The following CELF2 variants were observed in gnomAD, a reference collection of about 807,000 sequenced individuals.
The protein encoded by CELF2 is CUGBP Elav-like family member 2, also known as CUG triplet repeat RNA-binding protein 2.
Under a neutral mutation model 62.6 loss-of-function variants are expected in CELF2, and 8 were observed. The observed-to-expected ratio is 0.13, with a 90% CI of 0.07 to 0.23. The LOEUF (loss-of-function observed/expected upper bound fraction) is 0.23. Ranked by LOEUF, CELF2 falls within the 10% of genes least tolerant of loss-of-function variation. The probability of loss-of-function intolerance (pLI) is 1.00; values close to 1 mark genes in which losing one functional copy is unlikely to be tolerated. For missense variants in CELF2, 333 were observed against 671.0 expected, an observed-to-expected ratio of 0.50 and a Z score of 5.56; for synonymous variants, 258 against 250.0, an observed-to-expected ratio of 1.03 and a Z score of -0.30.
Position 11,011,096 on chromosome 10 carries a change from G to T in CELF2, c.53+5656G>T, listed in dbSNP as rs1440275396. 1 of 152,094 alleles carries T rather than the reference G, an allele frequency of 6.6e-6. No individual in the cohort carries two copies. Among genetic ancestry groups the T allele is most frequent in the South Asian group, 2.1e-4 (1 of 4,822 alleles). 9.4% of individuals were successfully genotyped at this position (152,094 alleles called of 1,614,324 possible). Reference sequence around the variant, plus strand: ...AGGTCTTTGAATTAAAGCATCCCATGCCTCACTTCTCTTGGGCTTGAATCT... The same window carrying T: ...AGGTCTTTGAATTAAAGCATCCCATTCCTCACTTCTCTTGGGCTTGAATCT... On this transcript the variant is annotated intron_variant, in intron 1 of 12. Coordinates refer to the CELF2 transcript ENST00000416382. This position sits in a 1 kb window ranked among gnomAD's most constrained non-coding sequence, Gnocchi z 4.6.
chr10:10,662,949 C>A, the CELF2 span, among the ~76,000 whole-genome samples: 1 of 152,196 alleles, frequency 6.6e-6, no homozygotes, highest in African/African-American at 2.4e-5. Context: ...GCTTCTTGGT[C>A]TGAACTCCAC....
At chr10:10,980,138 G>T (rs905851240) in intron 2 of CELF2, among the ~76,000 whole-genome samples, 2 of 152,196 alleles carry the variant, frequency 1.3e-5, no homozygotes, top group Admixed American at 1.3e-4. Flanking sequence ...AAGAAAAATT[G>T]CCAGAGCTTT....
intron 1 of CELF2, among the ~76,000 whole-genome samples, chr10:11,093,458 A>G (rs576034887): frequency 5.6e-4 from 85 of 152,298 alleles, no homozygotes; most frequent in African/African-American, 2.0e-3. Context: ...AGGGATGTGG[A>G]GAAGGATGGA....
chr10:10,636,252 A>G, the CELF2 span, among the ~76,000 whole-genome samples: 1 of 152,206 alleles, frequency 6.6e-6, no homozygotes, highest in African/African-American at 2.4e-5. Flanking sequence ...CTTTGTAACA[A>G]AGCTAATATT....
At chr10:10,700,184 T>C in the CELF2 span, among the ~76,000 whole-genome samples, 6 of 152,110 alleles carry the variant, frequency 3.9e-5, no homozygotes, top group Non-Finnish European at 7.3e-5. Flanking sequence ...AATCATTGCA[T>C]GGGAAGAGGT....
intron 1 of CELF2, among the ~76,000 whole-genome samples, chr10:10,892,260 G>A (rs1487866857): frequency 1.3e-5 from 2 of 152,102 alleles, no homozygotes; most frequent in Admixed American, 1.3e-4. Flanking sequence ...ATCAGGTTTA[G>A]GCAGGAAGCT....
At chr10:10,561,736 C>G in the CELF2 span, among the ~76,000 whole-genome samples, 2 of 152,150 alleles carry the variant, frequency 1.3e-5, no homozygotes, top group Admixed American at 1.3e-4. Flanking sequence ...TCAATCCTCC[C>G]TTTCCTTTGT....
chr10:10,634,074 T>C, the CELF2 span, among the ~76,000 whole-genome samples: 2 of 152,130 alleles, frequency 1.3e-5, no homozygotes, highest in Non-Finnish European at 2.9e-5. Context: ...CTTTTTACTT[T>C]ACTATATATG....
chr10:11,086,578 T>TA (rs1168932032), intron 1 of CELF2, among the ~76,000 whole-genome samples: 4,655 of 71,754 alleles, frequency 0.065, 467 homozygotes, highest in Non-Finnish European at 0.081. Context: ...TTGCATTTGT[T>TA]AAAAAAAAAA....
At chr10:11,158,035 T>C (rs2064904439) in intron 1 of CELF2, among the ~76,000 whole-genome samples, 1 of 152,232 alleles carries the variant, frequency 6.6e-6, no homozygotes, top group South Asian at 2.1e-4. Flanking sequence ...ATTCTTCATC[T>C]TGGGAAGCGC....
intron 8 of CELF2, among the ~76,000 whole-genome samples, chr10:11,276,896 C>G (rs559595340): frequency 2.0e-5 from 3 of 152,372 alleles, no homozygotes; most frequent in East Asian, 1.9e-4. Flanking sequence ...AGTCACCTTA[C>G]AAGGTGCCGA....
intron 1 of CELF2, among the ~76,000 whole-genome samples, chr10:10,848,810 G>T (rs1452429559): frequency 6.6e-6 from 1 of 152,116 alleles, no homozygotes; most frequent in Non-Finnish European, 1.5e-5. Context: ...ACGGAGATTA[G>T]ACCACAGGGT....
chr10:11,165,103 T>C lies in CELF2; in HGVS notation c.75-383T>C. ...AGCAGACATCTAGCTCTGCCTTTCT[T>C]TCCCAGCCACAGCCAGGGTAGGGCT... On this transcript the variant is annotated intron_variant, in intron 1 of 12. Coordinates refer to ENST00000633077, the MANE Select transcript of CELF2 (RefSeq NM_001326342.2). This position sits in a 1 kb window ranked among gnomAD's most constrained non-coding sequence, Gnocchi z 7.4. The C allele has an allele frequency of 1.0e-6, 1 of 1,003,198 alleles. No individual in the cohort carries two copies. The highest frequency in any genetic ancestry group is 1.2e-6 in the Non-Finnish European group (1 of 840,736). 62.1% of individuals were successfully genotyped at this position (1,003,198 alleles called of 1,614,324 possible). A position where few individuals can be genotyped will look rare whatever the true frequency, so the allele number is the denominator to read the frequency against.
the CELF2 span, among the ~76,000 whole-genome samples, chr10:10,589,733 A>G: frequency 6.6e-6 from 1 of 152,212 alleles, no homozygotes; most frequent in Non-Finnish European, 1.5e-5. Flanking sequence ...CACTGTTCAC[A>G]TGAGAAAGTC....
At chr10:10,641,207 T>G in the CELF2 span, among the ~76,000 whole-genome samples, 1 of 152,192 alleles carries the variant, frequency 6.6e-6, no homozygotes, top group African/African-American at 2.4e-5. Flanking sequence ...ATTCCGGTCA[T>G]GTACAGGCAA....
intron 1 of CELF2, among the ~76,000 whole-genome samples, chr10:11,122,769 AT>A (rs1302360077): frequency 2.0e-5 from 3 of 152,188 alleles, no homozygotes; most frequent in Non-Finnish European, 4.4e-5. Context: ...GCCAAGCTCA[AT>A]TTTTCTCATC....
chr10:11,323,512 GGT>G (rs2095562144), intron 11 of CELF2, among the ~76,000 whole-genome samples: 2 of 152,020 alleles, frequency 1.3e-5, no homozygotes, highest in African/African-American at 4.8e-5. Flanking sequence ...TGCGAGACCT[GGT>G]GTGTTTTTTC....
chr10:10,788,983 T>G, the CELF2 span: 1 of 152,290 alleles, frequency 6.6e-6, no homozygotes, highest in East Asian at 1.9e-4. Context: ...CCAGTTATTA[T>G]GCTGTCTTAC....
At chr10:11,141,959 G>T (rs2061420268) in intron 1 of CELF2, among the ~76,000 whole-genome samples, 2 of 152,204 alleles carry the variant, frequency 1.3e-5, no homozygotes, top group Non-Finnish European at 2.9e-5. Context: ...GTCATGTCCT[G>T]TAGCCCTCTT....
Sources: gnomAD v4.1 joint callset for allele counts (sites outside exome capture counted in the v4.1 genomes callset) on GRCh38, gnomAD v4.1.1 for gene constraint, Gnocchi (gnomAD v3.1) non-coding constraint, MANE v1.5 for transcripts, NCBI Gene and HGNC (gene_info 2026-07-23, HGNC 2026-07-21) for gene names.